Variants in SCLT1 observed in about 807,000 individuals in gnomAD.
SCLT1 encodes sodium channel-associated protein 1.
SCLT1 carries 78 observed loss-of-function variants against 112.8 expected under a neutral mutation model. The observed-to-expected ratio is 0.69, with a 90% CI of 0.58 to 0.83. The LOEUF (loss-of-function observed/expected upper bound fraction) is 0.83, where lower values mean the gene tolerates loss of function less well. Ranked by LOEUF, SCLT1 falls within the 40% of genes least tolerant of loss-of-function variation. SCLT1 has a pLI of 0.00. For synonymous variants in SCLT1, 257 were observed against 254.7 expected, an observed-to-expected ratio of 1.01 and a Z score of -0.09; for missense variants, 747 against 770.4, an observed-to-expected ratio of 0.97 and a Z score of 0.36.
At chr4:128,877,792 C>T (rs958340856) in intron 3 of SCLT1, among the ~76,000 whole-genome samples, 1 of 151,952 alleles carries the variant, frequency 6.6e-6, no homozygotes, top group African/African-American at 2.4e-5. Flanking sequence ...TTGGTTAAAA[C>T]ATGTTAATGC....
At chr4:128,888,852 T>C (rs1733093905) in intron 19 of SCLT1, 78 bp from the exon 20 acceptor site, 1 of 772,990 alleles carries the variant, frequency 1.3e-6, no homozygotes, top group African/African-American at 1.8e-5. Context: ...CAACGAAAAA[T>C]CTGGACATCA....
chr4:128,979,835 C>T (rs1741493948), intron 9 of SCLT1, among the ~76,000 whole-genome samples: 2 of 152,152 alleles, frequency 1.3e-5, no homozygotes, highest in South Asian at 4.1e-4. Flanking sequence ...TTTATTCTTG[C>T]CAGACCCCCA....
At chr4:128,927,973 CA>C (rs1228350400) in intron 18 of SCLT1, among the ~76,000 whole-genome samples, 2 of 151,528 alleles carry the variant, frequency 1.3e-5, no homozygotes, top group Non-Finnish European at 2.9e-5. Flanking sequence ...GAAAAACATC[CA>C]AAAATACTAA....
At chr4:129,056,815 C>T (rs1749439861) in intron 2 of SCLT1, among the ~76,000 whole-genome samples, 1 of 152,162 alleles carries the variant, frequency 6.6e-6, no homozygotes, top group African/African-American at 2.4e-5. Context: ...TTTGGATGCG[C>T]TTTAATTTCT....
At chr4:129,065,429 C>T (rs775555121) in intron 2 of SCLT1, among the ~76,000 whole-genome samples, 9 of 151,928 alleles carry the variant, frequency 5.9e-5, no homozygotes, top group Non-Finnish European at 1.2e-4. Context: ...CATAATAAAA[C>T]AGAGAACAAG....
At chr4:128,903,446 G>T (rs772050754) in intron 18 of SCLT1, among the ~76,000 whole-genome samples, 5 of 151,986 alleles carry the variant, frequency 3.3e-5, no homozygotes, top group Non-Finnish European at 7.4e-5. Context: ...AATTAGAAAA[G>T]TTCTAATTTT....
intron 9 of SCLT1, among the ~76,000 whole-genome samples, chr4:128,972,629 A>G (rs1413642279): frequency 6.6e-6 from 1 of 152,210 alleles, no homozygotes; most frequent in African/African-American, 2.4e-5. Context: ...TTCTAGAATT[A>G]GATTCTTTCC....
At chr4:129,015,019 G>GA (rs1179583399) in intron 5 of SCLT1, among the ~76,000 whole-genome samples, 8 of 152,224 alleles carry the variant, frequency 5.3e-5, no homozygotes, top group Admixed American at 2.0e-4. Context: ...CAGTGTGGGG[G>GA]AGGATCTGCT....
rs149088725 is a variant in SCLT1 at position 128,940,602 on chromosome 4, C to A, written c.1632+2394G>T. 2.6e-5 allele frequency among the ~76,000 whole-genome samples: 4 copies of A among 151,850 alleles called. No individual in the cohort carries two copies. In the East Asian group the frequency reaches 5.8e-4, roughly 22 times the overall value. On this transcript the variant is annotated intron_variant, in intron 17 of 20. Coordinates refer to ENST00000281142, the MANE Select transcript of SCLT1 (RefSeq NM_144643.4). ...CAGTATCTTATTAAAAACATATACA[C>A]TATATGTCAAAAATACATATGTGTA...
chr4:129,080,722 A>T (rs1189134509), intron 2 of SCLT1, among the ~76,000 whole-genome samples: 2 of 152,172 alleles, frequency 1.3e-5, no homozygotes. Flanking sequence ...TTCCAAAGTC[A>T]CTTCCACATT....
At position 129,093,406 on chromosome 4, in the gene SCLT1, GTCTC is replaced by G. The variant is rs1753032170; in HGVS notation, c.-307_-304del. 4.3e-6 allele frequency: 2 copies of G among 460,792 alleles called. No individual in the cohort carries two copies. The highest frequency in any genetic ancestry group is 7.9e-6 in the Non-Finnish European group (2 of 253,652). The allele number at this position is 460,792 out of a possible 1,614,324, so 28.5% of individuals were successfully genotyped here. A position where few individuals can be genotyped will look rare whatever the true frequency, so the allele number is the denominator to read the frequency against. ...ACAGGCGTCCCGCGGGTCACTCTGG[GTCTC>G]GTCGGGCCACCTAGGAGAGTGCCGC... On this transcript the variant is annotated 5_prime_UTR_variant, in exon 1 of 21. Coordinates refer to ENST00000281142, the MANE Select transcript of SCLT1 (RefSeq NM_144643.4).
At chr4:128,940,304 T>TA (rs1279072498) in intron 17 of SCLT1, among the ~76,000 whole-genome samples, 10 of 151,512 alleles carry the variant, frequency 6.6e-5, no homozygotes, top group Non-Finnish European at 2.9e-5. Flanking sequence ...CACCCATGAT[T>TA]AAAAAAAAGA....
At chr4:128,916,256 C>T (rs137869241) in intron 18 of SCLT1, among the ~76,000 whole-genome samples, 35 of 152,190 alleles carry the variant, frequency 2.3e-4, no homozygotes, top group African/African-American at 7.7e-4. Context: ...TGTATGAATA[C>T]GTTAAAGCAA....
chr4:129,065,244 A>G (rs1345475500), intron 2 of SCLT1, among the ~76,000 whole-genome samples: 1 of 152,026 alleles, frequency 6.6e-6, no homozygotes, highest in Non-Finnish European at 1.5e-5. Context: ...TTCATTTCAT[A>G]TCACTAGGCC....
chr4:128,901,533 G>C (rs888997818), intron 18 of SCLT1, among the ~76,000 whole-genome samples: 29 of 151,736 alleles, frequency 1.9e-4, no homozygotes, highest in African/African-American at 4.1e-4. Context: ...GGGTGGTGGG[G>C]GGGGGGAGGG....
chr4:128,966,310 T>C (rs1345909301), intron 10 of SCLT1, among the ~76,000 whole-genome samples: 2 of 152,024 alleles, frequency 1.3e-5, no homozygotes, highest in Admixed American at 6.6e-5. Context: ...CTATATCTGT[T>C]TGAACTATTT....
chr4:128,999,179 G>T (rs1743250777), intron 7 of SCLT1, among the ~76,000 whole-genome samples: 1 of 151,926 alleles, frequency 6.6e-6, no homozygotes, highest in South Asian at 2.1e-4. Flanking sequence ...ATACCTTCCT[G>T]TTGTAAAATT....
intron 2 of SCLT1, among the ~76,000 whole-genome samples, chr4:129,079,106 C>T (rs1286204484): frequency 6.6e-6 from 1 of 152,180 alleles, no homozygotes; most frequent in African/African-American, 2.4e-5. Context: ...TCCTCCAACA[C>T]TGGTGATTAC....
chr4:128,878,718 T>G (rs1295835261), intron 3 of SCLT1, among the ~76,000 whole-genome samples: 1 of 152,180 alleles, frequency 6.6e-6, no homozygotes, highest in Non-Finnish European at 1.5e-5. Flanking sequence ...TTGTCATCAC[T>G]CATTGAAGAA....
Sources: allele counts gnomAD v4.1 joint callset (sites outside exome capture counted in the v4.1 genomes callset), GRCh38; gene constraint gnomAD v4.1.1; transcripts MANE v1.5; gene names NCBI Gene and HGNC (gene_info 2026-07-23, HGNC 2026-07-21).